The following SLMAP variants were observed in gnomAD, a reference collection of about 807,000 sequenced individuals.
SLMAP encodes the protein sarcolemma associated protein.
SLMAP carries 44 observed loss-of-function variants against 128.8 expected under a neutral mutation model. That is an observed-to-expected ratio of 0.34 (90% CI 0.27 to 0.44). The LOEUF (loss-of-function observed/expected upper bound fraction) is 0.44. Ranked by LOEUF, SLMAP falls within the 20% of genes least tolerant of loss-of-function variation. The probability of loss-of-function intolerance (pLI) is 1.00; values close to 1 mark genes in which losing one functional copy is unlikely to be tolerated. For missense variants in SLMAP, 787 were observed against 985.3 expected (o/e 0.80, Z 2.69); for synonymous variants, 327 against 348.8 (o/e 0.94, Z 0.70).
At chr3:57,834,148 C>T (rs913921434) in intron 3 of SLMAP, among the ~76,000 whole-genome samples, 1 of 151,994 alleles carries the variant, frequency 6.6e-6, no homozygotes, top group African/African-American at 2.4e-5. Context: ...TCTTAAATTC[C>T]ATTCATGTTA....
intron 2 of SLMAP, among the ~76,000 whole-genome samples, chr3:57,787,407 A>G (rs2084439294): frequency 6.6e-6 from 1 of 152,218 alleles, no homozygotes; most frequent in South Asian, 2.1e-4. Context: ...GGGGTAGATT[A>G]GTTCATGGGG....
intron 14 of SLMAP, among the ~76,000 whole-genome samples, chr3:57,887,887 A>G (rs1430520805): frequency 6.6e-6 from 1 of 152,190 alleles, no homozygotes; most frequent in Non-Finnish European, 1.5e-5. Context: ...AAGCTGTATT[A>G]GACTCACCTT....
chr3:57,796,852 A>G (rs1242676374), intron 2 of SLMAP, among the ~76,000 whole-genome samples: 1 of 152,172 alleles, frequency 6.6e-6, no homozygotes, highest in Non-Finnish European at 1.5e-5. Flanking sequence ...AAATGCAACT[A>G]TATGTAGAAT....
intron 14 of SLMAP, among the ~76,000 whole-genome samples, chr3:57,880,522 A>G (rs2095709740): frequency 6.6e-6 from 1 of 152,048 alleles, no homozygotes; most frequent in Non-Finnish European, 1.5e-5. Flanking sequence ...ATTTTTTATA[A>G]TAAATATGGT....
At chr3:57,856,050 GA>G (rs530968010) in intron 6 of SLMAP, among the ~76,000 whole-genome samples, 2,057 of 139,028 alleles carry the variant, frequency 0.015, 26 homozygotes, top group South Asian at 0.068. Context: ...CTCAGAAAAA[GA>G]AAAAAAAAAA....
chr3:57,763,711 G>T (rs1372682798), intron 2 of SLMAP, among the ~76,000 whole-genome samples: 1 of 152,190 alleles, frequency 6.6e-6, no homozygotes. Flanking sequence ...GATAGAGAGG[G>T]TGACAGTGCA....
At chr3:57,780,073 T>A (rs1333952106) in intron 2 of SLMAP, among the ~76,000 whole-genome samples, 2 of 152,042 alleles carry the variant, frequency 1.3e-5, no homozygotes, top group Non-Finnish European at 2.9e-5. Context: ...CCTAACTATA[T>A]TTACATTCTA....
At position 57,927,967 on chromosome 3, in the gene SLMAP, C is replaced by T. The variant is rs1031907342; in HGVS notation, c.*678C>T. 6.6e-6 allele frequency: 1 copy of T among 151,462 alleles called. No homozygotes were observed. Among genetic ancestry groups the T allele is most frequent in the Admixed American group, 6.6e-5 (1 of 15,136 alleles). The allele number at this position is 151,462 out of a possible 1,614,324, so 9.4% of individuals were successfully genotyped here. The stretch of plus-strand genomic sequence containing the variant: ...ATTTTTTTTTTTTTAAGGAAAAATA[C>T]GTTTGGAAAATAAACTGTTATGGTG... On this transcript the variant is annotated 3_prime_UTR_variant, in exon 25 of 25. Transcript: ENST00000671191.
chr3:57,766,531 C>A (rs2079766833), intron 2 of SLMAP, among the ~76,000 whole-genome samples: 1 of 152,140 alleles, frequency 6.6e-6, no homozygotes, highest in African/African-American at 2.4e-5. Context: ...AGACTCTTTC[C>A]TCTTCTCAGG....
At chr3:57,782,574 G>GCGA (rs2083291423) in intron 2 of SLMAP, among the ~76,000 whole-genome samples, 1 of 152,146 alleles carries the variant, frequency 6.6e-6, no homozygotes, top group South Asian at 2.1e-4. Flanking sequence ...CTGGGCTCAA[G>GCGA]CGATCCTCAC....
chr3:57,859,223 C>G (rs1041725472), intron 8 of SLMAP, among the ~76,000 whole-genome samples: 1 of 150,336 alleles, frequency 6.7e-6, no homozygotes, highest in Non-Finnish European at 1.5e-5. Flanking sequence ...ACTCAAGAGG[C>G]TGAGACAGAA....
chr3:57,762,860 C>T (rs956256827), intron 2 of SLMAP, among the ~76,000 whole-genome samples: 3 of 152,066 alleles, frequency 2.0e-5, no homozygotes, highest in Middle Eastern at 3.4e-3. Context: ...GGATTACAGG[C>T]ATGAGCCACC....
chr3:57,832,522 A>T (rs1026303903), intron 3 of SLMAP, among the ~76,000 whole-genome samples: 1 of 152,228 alleles, frequency 6.6e-6, no homozygotes, highest in African/African-American at 2.4e-5. Context: ...CATAAAACTA[A>T]ATGGATAAAA....
intron 3 of SLMAP, 125 bp downstream of exon 3, chr3:57,831,655 A>G (rs1334489837): frequency 2.0e-5 from 12 of 590,698 alleles, no homozygotes; most frequent in South Asian, 6.5e-5. Context: ...CATTATATAC[A>G]GTGAAAAGTT....
intron 2 of SLMAP, among the ~76,000 whole-genome samples, chr3:57,820,036 C>T (rs1480181403): frequency 2.6e-5 from 4 of 152,170 alleles, no homozygotes; most frequent in African/African-American, 9.7e-5. Context: ...CAGGTGTGAG[C>T]CACTGTGCCT....
At position 57,860,747 on chromosome 3, in the gene SLMAP, G is replaced by A; in HGVS notation, c.736G>A (p.Asp246Asn). 6.3e-7 allele frequency: 1 copy of A among 1,595,808 alleles called. No homozygotes were observed. The highest frequency in any genetic ancestry group is 8.5e-7 in the Non-Finnish European group (1 of 1,175,216). The change falls in exon 9 of 25, where the codon GAT (aspartate) becomes AAT (asparagine). Residue 246 changes from aspartate (D) to asparagine (N), a missense_variant. Asp to Asn is a conservative substitution (Grantham distance 23). Around this residue, in one of 2 missense-constraint regions of SLMAP, gnomAD observed 715 missense variants for 843.6 expected, o/e 0.85. Transcript: ENST00000671191. ...AAAGGAACTTATAGCATTACAAGAG[G>A]ATAAACATAACTATGAGACAACAGC... Reference protein sequence around the residue: ...LRKELIALQEDKHNYETTAKE... With the variant: ...LRKELIALQENKHNYETTAKE...
intron 2 of SLMAP, among the ~76,000 whole-genome samples, chr3:57,774,668 G>A (rs1397795087): frequency 2.0e-5 from 3 of 151,874 alleles, no homozygotes; most frequent in Non-Finnish European, 4.4e-5. Flanking sequence ...GGCATTACAG[G>A]CATGCATCAC....
intron 17 of SLMAP, among the ~76,000 whole-genome samples, chr3:57,905,603 CTG>C (rs1236409557): frequency 6.6e-6 from 1 of 152,106 alleles, no homozygotes; most frequent in East Asian, 1.9e-4. Flanking sequence ...TCTATCTTAC[CTG>C]TTTTCATATC....
At chr3:57,902,295 A>G (rs534825121) in intron 17 of SLMAP, 6 of 152,330 alleles carry the variant, frequency 3.9e-5, no homozygotes, top group African/African-American at 1.4e-4. Flanking sequence ...GGGTAGGATT[A>G]CAAGAAGAGT....
Sources: allele counts gnomAD v4.1 joint callset (sites outside exome capture counted in the v4.1 genomes callset), GRCh38; gene constraint gnomAD v4.1.1; regional missense constraint gnomAD v4.1.1; transcripts MANE v1.5; gene names NCBI Gene and HGNC (gene_info 2026-07-23, HGNC 2026-07-21).